The following USP32 variants were observed in gnomAD, a reference collection of about 807,000 sequenced individuals.
The protein encoded by USP32 is ubiquitin carboxyl-terminal hydrolase 32.
Under a neutral mutation model 204.8 loss-of-function variants are expected in USP32, and 59 were observed. The observed-to-expected ratio is 0.29, with a 90% confidence interval of 0.23 to 0.36. The LOEUF is 0.36. Ranked by LOEUF, USP32 falls within the 10% of genes least tolerant of loss-of-function variation. USP32 has a pLI of 1.00. For missense variants in USP32, 1,160 were observed against 1,946.4 expected (o/e 0.60, Z 7.60); for synonymous variants, 517 against 678.4 (o/e 0.76, Z 3.70).
At position 60,322,436 on chromosome 17, in the gene USP32, T is replaced by C. The variant is rs558645565; in HGVS notation, c.187-20732A>G. Among the ~76,000 whole-genome samples, 7 of 152,346 alleles carry C rather than the reference T, an allele frequency of 4.6e-5. No homozygotes were observed. In the South Asian group the frequency reaches 1.5e-3, roughly 32 times the overall value. ...AAATCCACATGGATTTCATTTTGGC[T>C]CTCTGTATTAGTAAATCTTCACAAA... is the stretch of plus-strand genomic sequence containing the variant. On this transcript the variant is annotated intron_variant, in intron 2 of 33. Coordinates refer to ENST00000300896, the MANE Select transcript of USP32 (RefSeq NM_032582.4).
At chr17:60,244,470 A>G (rs542100357) in intron 11 of USP32, among the ~76,000 whole-genome samples, 2 of 152,042 alleles carry the variant, frequency 1.3e-5, no homozygotes, top group Non-Finnish European at 2.9e-5. Flanking sequence ...TTGTTCCTCT[A>G]TTCCTCTAGT....
intron 11 of USP32, among the ~76,000 whole-genome samples, chr17:60,250,118 T>C (rs1244533698): frequency 7.9e-5 from 12 of 152,210 alleles, no homozygotes; most frequent in African/African-American, 4.8e-5. Flanking sequence ...AAATTATTGG[T>C]ACTTTTAATG....
intron 5 of USP32, among the ~76,000 whole-genome samples, chr17:60,277,598 A>G (rs2086870100): frequency 6.6e-6 from 1 of 152,260 alleles, no homozygotes; most frequent in Non-Finnish European, 1.5e-5. Context: ...ACATATTGTT[A>G]GTTGAAATAA....
At chr17:60,184,683 GC>G (rs1197505312) in intron 30 of USP32, among the ~76,000 whole-genome samples, 1 of 151,898 alleles carries the variant, frequency 6.6e-6, no homozygotes, top group Non-Finnish European at 1.5e-5. Flanking sequence ...AGTGGTGCAT[GC>G]CTGTAATCTC....
At chr17:60,391,826 C>A in intron 1 of USP32, 56 bp downstream of exon 1, 1 of 1,575,052 alleles carries the variant, frequency 6.3e-7, no homozygotes, top group Non-Finnish European at 8.7e-7. Context: ...TACCCACCCT[C>A]CAGGCTGCCC....
At chr17:60,184,889 T>A (rs987655823) in intron 30 of USP32, among the ~76,000 whole-genome samples, 1 of 151,226 alleles carries the variant, frequency 6.6e-6, no homozygotes, top group African/African-American at 2.4e-5. Context: ...TCTTAATGAA[T>A]AGGAAGATTT....
At chr17:60,337,204 T>C (rs1348191746) in intron 2 of USP32, among the ~76,000 whole-genome samples, 1 of 152,216 alleles carries the variant, frequency 6.6e-6, no homozygotes, top group Non-Finnish European at 1.5e-5. Flanking sequence ...GACATCTAAA[T>C]GCAACAAGAC....
At chr17:60,256,164 A>T (rs1447939969) in intron 9 of USP32, among the ~76,000 whole-genome samples, 3 of 151,204 alleles carry the variant, frequency 2.0e-5, no homozygotes, top group African/African-American at 7.4e-5. Flanking sequence ...CTAGCAAGAC[A>T]CCATCTCTTT....
chr17:60,388,626 C>T (rs544061651), intron 1 of USP32, among the ~76,000 whole-genome samples: 1 of 152,228 alleles, frequency 6.6e-6, no homozygotes, highest in African/African-American at 2.4e-5. Flanking sequence ...AGAAAACACA[C>T]GCAATATAAA....
intron 5 of USP32, among the ~76,000 whole-genome samples, chr17:60,278,738 C>CT (rs1567822879): frequency 6.6e-6 from 1 of 152,152 alleles, no homozygotes; most frequent in Non-Finnish European, 1.5e-5. Context: ...GAATAGCAGG[C>CT]ATTTCAGTCA....
At chr17:60,296,007 C>T (rs1348960124) in intron 3 of USP32, among the ~76,000 whole-genome samples, 1 of 151,962 alleles carries the variant, frequency 6.6e-6, no homozygotes, top group Non-Finnish European at 1.5e-5. Flanking sequence ...GTATAAAAAC[C>T]AGCATGAGAA....
At chr17:60,193,919 TA>T (rs1456394622) in intron 27 of USP32, among the ~76,000 whole-genome samples, 23 of 152,342 alleles carry the variant, frequency 1.5e-4, no homozygotes, top group African/African-American at 5.1e-4. Flanking sequence ...GATAACGGGA[TA>T]AAACAGTCAA....
chr17:60,203,396 C>CAAAAAA (rs554691150), intron 26 of USP32, among the ~76,000 whole-genome samples: 3 of 24,378 alleles, frequency 1.2e-4, no homozygotes, highest in East Asian at 1.3e-3. Context: ...GCGAGACTGT[C>CAAAAAA]AAAAAAAAAA....
chr17:60,317,606 G>A (rs1241689721), intron 2 of USP32, among the ~76,000 whole-genome samples: 3 of 151,988 alleles, frequency 2.0e-5, no homozygotes, highest in Non-Finnish European at 4.4e-5. Flanking sequence ...CTTAATGCCA[G>A]GAGTTTGAGA....
chr17:60,415,463 G>T (rs757611287), intron 1 of USP32, among the ~76,000 whole-genome samples: 1 of 152,172 alleles, frequency 6.6e-6, no homozygotes, highest in African/African-American at 2.4e-5. Flanking sequence ...AATCACTGCC[G>T]AGAAGGTCCA....
intron 2 of USP32, among the ~76,000 whole-genome samples, chr17:60,327,823 AG>A (rs2088282079): frequency 1.3e-5 from 2 of 152,204 alleles, no homozygotes; most frequent in African/African-American, 2.4e-5. Flanking sequence ...GCAGGGCTGA[AG>A]CCAAGCCAGG....
In USP32 at chr17:60,369,274, G is replaced by A. The variant is rs559906890; in HGVS notation, c.58+22608C>T. ...CTCCCAAAGTGCTGGGATTACAGGC[G>A]TGAGCCACCGCGCCCGGCCAAAAGA... On this transcript the variant is annotated intron_variant, in intron 1 of 33. Coordinates refer to ENST00000300896, the MANE Select transcript of USP32 (RefSeq NM_032582.4). Among the ~76,000 whole-genome samples the A allele has an allele frequency of 8.0e-5, 11 of 138,122 alleles. No homozygotes were observed. In the South Asian group the frequency reaches 2.3e-3, roughly 29 times the overall value. The allele number at this position is 138,122 out of a possible 152,430, so 90.6% of individuals were successfully genotyped here.
intron 6 of USP32, among the ~76,000 whole-genome samples, chr17:60,270,645 G>A (rs2086702207): frequency 6.6e-6 from 1 of 151,994 alleles, no homozygotes; most frequent in Non-Finnish European, 1.5e-5. Context: ...CCAATATGGA[G>A]AAACCCTGTC....
chr17:60,273,948 C>T (rs1173521199), intron 5 of USP32, among the ~76,000 whole-genome samples: 1 of 113,926 alleles, frequency 8.8e-6, no homozygotes, highest in Non-Finnish European at 1.6e-5. Flanking sequence ...GGCAACAGAG[C>T]GAGACTCAGT....
Sources: gnomAD v4.1 joint callset for allele counts (sites outside exome capture counted in the v4.1 genomes callset) on GRCh38, gnomAD v4.1.1 for gene constraint, MANE v1.5 for transcripts, NCBI Gene and HGNC (gene_info 2026-07-23, HGNC 2026-07-21) for gene names.